Variants in ENOX1 observed in about 807,000 individuals in gnomAD.
The protein encoded by ENOX1 is candidate growth-related and time keeping constitutive hydroquinone (NADH) oxidase.
A neutral mutation model predicts 82.5 loss-of-function variants in ENOX1; 42 were observed. The ratio of observed to expected loss-of-function variants is 0.51; its 90% confidence interval spans 0.40 to 0.66. The LOEUF is 0.66. ENOX1 is among the 30% of genes least tolerant of loss of function. ENOX1 has a pLI of 0.00. For synonymous variants in ENOX1, 271 were observed against 282.2 expected (o/e 0.96, Z 0.40); for missense variants, 608 against 811.6 (o/e 0.75, Z 3.05).
chr13:43,457,691 T>C (rs1300009002), intron 3 of ENOX1, among the ~76,000 whole-genome samples: 2 of 152,130 alleles, frequency 1.3e-5, no homozygotes, highest in Non-Finnish European at 2.9e-5. Flanking sequence ...CAAACAATGA[T>C]CACTGACTTG....
intron 2 of ENOX1, among the ~76,000 whole-genome samples, chr13:43,661,389 G>A (rs2084719103): frequency 6.6e-6 from 1 of 152,206 alleles, no homozygotes; most frequent in Admixed American, 6.5e-5. Flanking sequence ...GCCGGTGGAA[G>A]TTAAGTATAG....
intron 2 of ENOX1, among the ~76,000 whole-genome samples, chr13:43,484,639 T>G (rs750573646): frequency 2.0e-5 from 3 of 152,238 alleles, no homozygotes; most frequent in Non-Finnish European, 4.4e-5. Flanking sequence ...GGGCAGGTAC[T>G]TTCCCTCATC....
At chr13:43,457,650 T>C (rs2153635390) in intron 3 of ENOX1, among the ~76,000 whole-genome samples, 1 of 152,194 alleles carries the variant, frequency 6.6e-6, no homozygotes, top group South Asian at 2.1e-4. Flanking sequence ...GAAGATAAAT[T>C]TCGGAAAATC....
intron 1 of ENOX1, among the ~76,000 whole-genome samples, chr13:43,718,325 T>C (rs1202197049): frequency 1.3e-5 from 2 of 151,994 alleles, no homozygotes; most frequent in South Asian, 2.1e-4. Flanking sequence ...GAGCTAAACA[T>C]TGAATACACA....
chr13:43,608,675 A>C (rs1372846403), intron 2 of ENOX1, among the ~76,000 whole-genome samples: 4 of 152,156 alleles, frequency 2.6e-5, no homozygotes, highest in Non-Finnish European at 4.4e-5. Flanking sequence ...TAGATAACAG[A>C]TATAAATACC....
chr13:43,539,365 G>A (rs1002300933), intron 2 of ENOX1, among the ~76,000 whole-genome samples: 2 of 151,840 alleles, frequency 1.3e-5, no homozygotes, highest in Non-Finnish European at 2.9e-5. Context: ...TTGATATGTC[G>A]ACATTTCAAT....
intron 1 of ENOX1, among the ~76,000 whole-genome samples, chr13:43,680,273 T>G (rs1168078833): frequency 2.0e-5 from 3 of 152,142 alleles, no homozygotes; most frequent in African/African-American, 7.2e-5. Context: ...AGAAAAGAAG[T>G]AGATGCTTTC....
At chr13:43,254,374 CCTGTT>C (rs1208744674) in intron 14 of ENOX1, among the ~76,000 whole-genome samples, 1 of 152,130 alleles carries the variant, frequency 6.6e-6, no homozygotes, top group Middle Eastern at 3.2e-3. Flanking sequence ...TATTTCCTCT[CCTGTT>C]GAGGAACTCA....
chr13:43,672,587 A>G (rs2153791778), intron 1 of ENOX1, among the ~76,000 whole-genome samples: 1 of 152,302 alleles, frequency 6.6e-6, no homozygotes, highest in East Asian at 1.9e-4. Context: ...TGAGGAAAAG[A>G]TATTTTCTCC....
chr13:43,508,538 G>T (rs2077256427), intron 2 of ENOX1, among the ~76,000 whole-genome samples: 1 of 151,748 alleles, frequency 6.6e-6, no homozygotes, highest in Non-Finnish European at 1.5e-5. Flanking sequence ...AGATAGAAAT[G>T]AAAGAATAAG....
Position 43,633,409 on chromosome 13 carries a change from T to C in ENOX1, c.-219+34070A>G, listed in dbSNP as rs548517007. ...CCCATCTAGGAATCTGTCTCATAGA[T>C]ATTCTTACACATGTACACAAAGATA... On this transcript the variant is annotated intron_variant, in intron 2 of 16. Coordinates refer to ENST00000690772, the MANE Select transcript of ENOX1 (RefSeq NM_001347969.2). Among the ~76,000 whole-genome samples, 14 of 152,272 alleles carry C rather than the reference T, an allele frequency of 9.2e-5. No homozygotes were observed. In the East Asian group the frequency reaches 2.3e-3, roughly 25 times the overall value.
At chr13:43,252,432 A>G (rs557407099) in intron 14 of ENOX1, among the ~76,000 whole-genome samples, 3 of 152,304 alleles carry the variant, frequency 2.0e-5, no homozygotes, top group African/African-American at 7.2e-5. Context: ...GGTGACAGGG[A>G]AAGACTTCCC....
At chr13:43,658,636 C>T (rs966101152) in intron 2 of ENOX1, among the ~76,000 whole-genome samples, 1 of 152,202 alleles carries the variant, frequency 6.6e-6, no homozygotes, top group African/African-American at 2.4e-5. Context: ...CCTCTCAGAG[C>T]AAACACATTA....
intron 1 of ENOX1, among the ~76,000 whole-genome samples, chr13:43,772,084 A>C (rs932249474): frequency 1.3e-5 from 2 of 151,994 alleles, no homozygotes; most frequent in African/African-American, 4.8e-5. Flanking sequence ...ATCTCTTTAA[A>C]GTAAAAGGAA....
intron 15 of ENOX1, among the ~76,000 whole-genome samples, chr13:43,228,095 C>CTTTTTTTT (rs551861545): frequency 1.2e-5 from 1 of 84,722 alleles, no homozygotes; most frequent in African/African-American, 4.6e-5. Flanking sequence ...CTCTTTGCAG[C>CTTTTTTTT]TTTTTTTTTT....
intron 14 of ENOX1, among the ~76,000 whole-genome samples, chr13:43,262,714 A>G (rs1314350105): frequency 6.6e-6 from 1 of 152,120 alleles, no homozygotes; most frequent in Non-Finnish European, 1.5e-5. Context: ...TAGGCTCAAG[A>G]GATCCGCCCA....
chr13:43,246,684 T>C (rs1397197896), intron 14 of ENOX1, among the ~76,000 whole-genome samples: 10 of 151,954 alleles, frequency 6.6e-5, no homozygotes, highest in Admixed American at 6.5e-4. Context: ...AGGATGTGGG[T>C]AGGGGAAGGC....
At chr13:43,566,780 T>TAAATAAAAAATAAATA in intron 2 of ENOX1, among the ~76,000 whole-genome samples, 1 of 152,096 alleles carries the variant, frequency 6.6e-6, no homozygotes, top group South Asian at 2.1e-4. Context: ...AAAAATTTAA[T>TAAATAAAAAATAAATA]AATTTACTGA....
intron 5 of ENOX1, among the ~76,000 whole-genome samples, chr13:43,362,433 T>C (rs911376869): frequency 2.0e-5 from 3 of 152,134 alleles, no homozygotes; most frequent in African/African-American, 7.2e-5. Context: ...CAGGCCAGGA[T>C]AGATCATGGT....
Sources: gnomAD v4.1 joint callset for allele counts (sites outside exome capture counted in the v4.1 genomes callset) on GRCh38, gnomAD v4.1.1 for gene constraint, MANE v1.5 for transcripts, NCBI Gene and HGNC (gene_info 2026-07-23, HGNC 2026-07-21) for gene names.